The following PCDH19 variants were observed in gnomAD, a reference collection of about 807,000 sequenced individuals.
PCDH19 encodes the protein protocadherin 19, also known as protocadherin-19.
In PCDH19, 6 loss-of-function variants were observed where a neutral mutation model predicts 46.2. The ratio of observed to expected loss-of-function variants is 0.13; its 90% confidence interval spans 0.07 to 0.26. PCDH19 has a LOEUF of 0.26. Among genes scored for constraint, PCDH19 ranks in the 10% least tolerant of loss-of-function variants. The pLI is 1.00. For missense variants in PCDH19, 740 were observed against 972.3 expected, an observed-to-expected ratio of 0.76 and a Z score of 3.18; for synonymous variants, 481 against 415.7, an observed-to-expected ratio of 1.16 and a Z score of -1.91.
At chrX:100,396,016 A>G (rs1159579875) in intron 3 of PCDH19, among the ~76,000 whole-genome samples, 3 of 111,668 alleles carry the variant, frequency 2.7e-5, no homozygotes, top group Non-Finnish European at 5.6e-5. Flanking sequence ...GTGGGGGAAA[A>G]TGGCTGCTCC....
At position 100,322,855 on chromosome X, in the gene PCDH19, A is replaced by T. The variant is rs1431728365; in HGVS notation, c.2848+19048T>A. 1.8e-4 allele frequency among the ~76,000 whole-genome samples: 10 copies of T among 54,732 alleles called. 1 individual carries two copies. The highest frequency in any genetic ancestry group is 9.4e-4 in the African/African-American group (10 of 10,585). The allele number at this position is 54,732 out of a possible 115,157, so 47.5% of individuals were successfully genotyped here. On this transcript the variant is annotated intron_variant, in intron 5 of 5. Coordinates refer to ENST00000373034, the MANE Select transcript of PCDH19 (RefSeq NM_001184880.2). ...TAAGTATATATATATATATATATAT[A>T]TATATATATATTTTTGCAGCTATTG...
chrX:100,334,858 C>CTA (rs1233425939), intron 5 of PCDH19, among the ~76,000 whole-genome samples: 167 of 14,995 alleles, frequency 0.011, 1 homozygote, highest in Admixed American at 0.023. Flanking sequence ...ATATATATGT[C>CTA]TGTATATATA....
intron 3 of PCDH19, among the ~76,000 whole-genome samples, chrX:100,381,876 G>T (rs975010955): frequency 7.2e-5 from 8 of 111,584 alleles, no homozygotes; most frequent in African/African-American, 2.6e-4. Flanking sequence ...CTCTGGGTCT[G>T]TGGTTTATAG....
At chrX:100,405,225 T>A (rs1928308552) in intron 1 of PCDH19, among the ~76,000 whole-genome samples, 1 of 112,504 alleles carries the variant, frequency 8.9e-6, no homozygotes, top group African/African-American at 3.2e-5. Flanking sequence ...CTGATTAACA[T>A]GCAGACACAA....
intron 5 of PCDH19, among the ~76,000 whole-genome samples, chrX:100,303,481 T>C (rs1475669379): frequency 8.9e-6 from 1 of 111,759 alleles, no homozygotes; most frequent in Non-Finnish European, 1.9e-5. Context: ...ATGAGCGTAA[T>C]GACAACTTCC....
At position 100,296,152 on chromosome X, in the gene PCDH19, T is replaced by C; in HGVS notation, c.*125A>G. ...CAGAATGATAATCACCTATAAACAA[T>C]ACATTTAGGAAAAGCTCTGAAATAT... On this transcript the variant is annotated 3_prime_UTR_variant, in exon 6 of 6. Coordinates refer to ENST00000373034, the MANE Select transcript of PCDH19 (RefSeq NM_001184880.2). 1.7e-6 allele frequency: 1 copy of C among 576,850 alleles called. No individual in the cohort carries two copies. The allele number at this position is 576,850 out of a possible 1,213,427, so 47.5% of individuals were successfully genotyped here. A position where few individuals can be genotyped will look rare whatever the true frequency, so the allele number is the denominator to read the frequency against.
chrX:100,402,660 C>T lies in PCDH19; in HGVS notation c.2480G>A (p.Arg827His), dbSNP rs371323886. The change falls in exon 3 of 6, where the codon CGC (arginine) becomes CAC (histidine). Residue 827 changes from arginine (R) to histidine (H), a missense_variant. Physicochemically the swap from Arg to His is conservative, Grantham distance 29 (BLOSUM62 0). Coordinates refer to ENST00000373034, the MANE Select transcript of PCDH19 (RefSeq NM_001184880.2). ...CACATTCAGGAAAGTGCTCTCAGAG[C>T]GGCGGCAGCCCAGGGGCAGCGTCTG... ...HQQTLPLGCR[R>H]SESTFLNVEN... 41 of 1,209,732 alleles carry T rather than the reference C, an allele frequency of 3.4e-5. No individual in the cohort carries two copies. The highest frequency in any genetic ancestry group is 4.6e-5 in the Non-Finnish European group (41 of 894,976).
chrX:100,406,144 T>G (rs1022463511), intron 1 of PCDH19, among the ~76,000 whole-genome samples: 5 of 111,753 alleles, frequency 4.5e-5, no homozygotes, highest in Non-Finnish European at 9.4e-5. Context: ...CCTCTCTCTC[T>G]CTCTGTTTTT....
chrX:100,308,852 T>C (rs1039190366), intron 5 of PCDH19, among the ~76,000 whole-genome samples: 3 of 111,650 alleles, frequency 2.7e-5, no homozygotes, highest in Non-Finnish European at 3.8e-5. Flanking sequence ...CCTGCAAGAA[T>C]GGCCATAATA....
chrX:100,296,200 G>T lies in PCDH19; in HGVS notation c.*77C>A. ...TATAGCCACTCAAGAACCAACCATT[G>T]GTGAGCAATTAAAACAAGAAGCTCC... is the stretch of plus-strand genomic sequence containing the variant. On this transcript the variant is annotated 3_prime_UTR_variant, in exon 6 of 6. Coordinates refer to ENST00000373034, the MANE Select transcript of PCDH19 (RefSeq NM_001184880.2). 1.3e-6 allele frequency: 1 copy of T among 789,162 alleles called. No homozygotes were observed. 65.0% of individuals were successfully genotyped at this position (789,162 alleles called of 1,213,427 possible).
chrX:100,309,157 C>CACACACACACACAT (rs1555973965), intron 5 of PCDH19, among the ~76,000 whole-genome samples: 6 of 107,026 alleles, frequency 5.6e-5, no homozygotes, highest in African/African-American at 2.1e-4. Context: ...GATGCATGCA[C>CACACACACACACAT]ACACACACAC....
intron 5 of PCDH19, among the ~76,000 whole-genome samples, chrX:100,322,846 TATATATATATA>T (rs1271298383): frequency 3.5e-5 from 2 of 57,251 alleles, no homozygotes; most frequent in African/African-American, 8.5e-5. Flanking sequence ...TATATATATA[TATATATATATA>T]TATATATATT....
Position 100,322,867 on chromosome X carries a change from T to TA in PCDH19, c.2848+19035_2848+19036insT, listed in dbSNP as rs1569291909. Among the ~76,000 whole-genome samples the TA allele has an allele frequency of 1.8e-4, 7 of 38,428 alleles. 1 individual carries two copies. The highest frequency in any genetic ancestry group is 6.6e-4 in the African/African-American group (6 of 9,102). The allele number at this position is 38,428 out of a possible 115,157, so 33.4% of individuals were successfully genotyped here. ...TATATATATATATATATATATATAT[T>TA]TTTGCAGCTATTGTAAAAGGGGTTG... On this transcript the variant is annotated intron_variant, in intron 5 of 5. Coordinates refer to ENST00000373034, the MANE Select transcript of PCDH19 (RefSeq NM_001184880.2).
chrX:100,309,465 T>C (rs1371670870), intron 5 of PCDH19, among the ~76,000 whole-genome samples: 1 of 110,883 alleles, frequency 9.0e-6, no homozygotes, highest in Non-Finnish European at 1.9e-5. Flanking sequence ...CACCAAAATC[T>C]CAGAAATCAC....
chrX:100,394,321 GT>G (rs750156753), intron 3 of PCDH19, among the ~76,000 whole-genome samples: 1 of 112,085 alleles, frequency 8.9e-6, no homozygotes, highest in South Asian at 3.7e-4. Context: ...CTGTCAATTT[GT>G]CTGTCTCACT....
chrX:100,309,193 T>C (rs1212757937), intron 5 of PCDH19, among the ~76,000 whole-genome samples: 3 of 56,508 alleles, frequency 5.3e-5, no homozygotes, highest in Admixed American at 4.2e-4. Context: ...ATGGAAATAG[T>C]ACTCAGCCAT....
intron 5 of PCDH19, among the ~76,000 whole-genome samples, chrX:100,328,904 T>C (rs1373925522): frequency 8.9e-6 from 1 of 112,204 alleles, no homozygotes; most frequent in Non-Finnish European, 1.9e-5. Context: ...CTAGAGCAGA[T>C]AGTTTTATGG....
In PCDH19 at chrX:100,341,954, C is replaced by T. The variant is rs1462304045; in HGVS notation, c.2797G>A (p.Asp933Asn). 1.7e-6 allele frequency: 2 copies of T among 1,209,927 alleles called. No homozygotes were observed. The highest frequency in any genetic ancestry group is 2.2e-6 in the Non-Finnish European group (2 of 893,839). The change falls in exon 5 of 6, where the codon GAT (aspartate) becomes AAT (asparagine). Residue 933 changes from aspartate (D) to asparagine (N), a missense_variant. Asp to Asn is a conservative substitution (Grantham distance 23). Around this residue, in one of 5 missense-constraint regions of PCDH19, gnomAD observed 416 missense variants for 476.8 expected, o/e 0.87. Transcript: ENST00000373034. ...RSLYCDTAVNDVLNTSVTSMG... is the reference protein window; with the variant it reads ...RSLYCDTAVNNVLNTSVTSMG... ...GAGGTCACACTGGTGTTCAGCACATCGTTGACAGCAGTATCACAATACAGG... is the reference window on the plus strand; with the variant it reads ...GAGGTCACACTGGTGTTCAGCACATTGTTGACAGCAGTATCACAATACAGG...
intron 3 of PCDH19, among the ~76,000 whole-genome samples, chrX:100,393,764 G>A (rs1487990185): frequency 1.8e-5 from 2 of 111,927 alleles, no homozygotes; most frequent in Non-Finnish European, 3.8e-5. Flanking sequence ...GCGGCCAGAT[G>A]GGGCCCAGTG....
Sources: gnomAD v4.1 joint callset for allele counts (sites outside exome capture counted in the v4.1 genomes callset) on GRCh38, gnomAD v4.1.1 for gene constraint, gnomAD v4.1.1 regional missense constraint, MANE v1.5 for transcripts, NCBI Gene and HGNC (gene_info 2026-07-23, HGNC 2026-07-21) for gene names.